The following SGCD variants were observed in gnomAD, a reference collection of about 807,000 sequenced individuals.
The protein encoded by SGCD is delta-sarcoglycan.
SGCD carries 18 observed loss-of-function variants against 36.6 expected under a neutral mutation model. The ratio of observed to expected loss-of-function variants is 0.49; its 90% CI spans 0.34 to 0.73. SGCD has a LOEUF of 0.73. Among genes scored for constraint, SGCD ranks in the 30% least tolerant of loss-of-function variants. The pLI, the probability that SGCD is intolerant of heterozygous loss-of-function variation, is 0.01. For synonymous variants in SGCD, 133 were observed against 130.6 expected, an observed-to-expected ratio of 1.02 and a Z score of -0.12; for missense variants, 387 against 346.7, an observed-to-expected ratio of 1.12 and a Z score of -0.92.
At chr5:156,232,015 G>A (rs1765032254) in intron 3 of SGCD, among the ~76,000 whole-genome samples, 1 of 152,116 alleles carries the variant, frequency 6.6e-6, no homozygotes, top group South Asian at 2.1e-4. Flanking sequence ...TAGAACATTA[G>A]ATGGAAGGAC....
chr5:156,657,747 G>A (rs542519318), intron 7 of SGCD, among the ~76,000 whole-genome samples: 21 of 151,612 alleles, frequency 1.4e-4, no homozygotes, highest in East Asian at 9.8e-4. Context: ...GGTGTTTCTC[G>A]TAAGGTGGGA....
chr5:156,171,941 G>A (rs1235106168), intron 3 of SGCD, among the ~76,000 whole-genome samples: 2 of 152,100 alleles, frequency 1.3e-5, no homozygotes, highest in South Asian at 2.1e-4. Context: ...AATTTGATCT[G>A]TACTGTACTG....
intron 1 of SGCD, among the ~76,000 whole-genome samples, chr5:156,078,051 C>T (rs957901446): frequency 1.3e-5 from 2 of 152,042 alleles, no homozygotes; most frequent in Non-Finnish European, 2.9e-5. Flanking sequence ...CAAAAAGAAT[C>T]CCTTCTTTTT....
chr5:155,932,897 A>G (rs904324965), intron 1 of SGCD, among the ~76,000 whole-genome samples: 1 of 152,038 alleles, frequency 6.6e-6, no homozygotes, highest in Non-Finnish European at 1.5e-5. Flanking sequence ...TTAGTATTCC[A>G]TTTTTGCCTT....
intron 3 of SGCD, among the ~76,000 whole-genome samples, chr5:156,251,864 T>G (rs1423318926): frequency 6.6e-6 from 1 of 152,020 alleles, no homozygotes; most frequent in East Asian, 1.9e-4. Flanking sequence ...ACATTAAGAT[T>G]TACCTTACTC....
chr5:155,822,738 G>A, the SGCD span, among the ~76,000 whole-genome samples: 3 of 152,198 alleles, frequency 2.0e-5, no homozygotes, highest in Non-Finnish European at 4.4e-5. Context: ...ATAAGGAAAA[G>A]CATCGAGCCC....
At chr5:156,071,223 A>AG (rs1156582936) in intron 1 of SGCD, among the ~76,000 whole-genome samples, 1 of 152,106 alleles carries the variant, frequency 6.6e-6, no homozygotes, top group Non-Finnish European at 1.5e-5. Context: ...TTGTGATGTT[A>AG]GGGTGTCAAT....
intron 4 of SGCD, among the ~76,000 whole-genome samples, chr5:156,582,398 G>A (rs186052307): frequency 1.8e-4 from 28 of 152,184 alleles, no homozygotes; most frequent in African/African-American, 6.5e-4. Flanking sequence ...GTGCATAAAA[G>A]GGCAACCAAT....
chr5:155,855,978 T>C, the SGCD span, among the ~76,000 whole-genome samples: 1 of 152,220 alleles, frequency 6.6e-6, no homozygotes, highest in East Asian at 1.9e-4. Flanking sequence ...AAAGATCTTA[T>C]ATATATTTTC....
intron 7 of SGCD, among the ~76,000 whole-genome samples, chr5:156,719,466 A>C (rs1755384456): frequency 6.6e-6 from 1 of 152,166 alleles, no homozygotes; most frequent in African/African-American, 2.4e-5. Flanking sequence ...ACCGTGTCCT[A>C]GCCAAGTTTA....
chr5:156,456,269 C>T (rs1011617362), intron 3 of SGCD, among the ~76,000 whole-genome samples: 11 of 152,050 alleles, frequency 7.2e-5, no homozygotes, highest in Non-Finnish European at 1.3e-4. Flanking sequence ...ATGTTTAAGG[C>T]GATTCTGGTG....
intron 1 of SGCD, among the ~76,000 whole-genome samples, chr5:156,069,953 C>G (rs937810692): frequency 1.3e-5 from 2 of 151,846 alleles, no homozygotes; most frequent in Non-Finnish European, 2.9e-5. Context: ...GTGTATAAGA[C>G]TGCTTGTGAT....
At chr5:156,563,873 G>A (rs188464202) in intron 4 of SGCD, among the ~76,000 whole-genome samples, 1 of 152,086 alleles carries the variant, frequency 6.6e-6, no homozygotes, top group East Asian at 1.9e-4. Context: ...CCTTTTGGGG[G>A]GATCAGTTGG....
chr5:155,981,276 C>T (rs923575363), intron 1 of SGCD, among the ~76,000 whole-genome samples: 3 of 152,104 alleles, frequency 2.0e-5, no homozygotes, highest in East Asian at 3.8e-4. Context: ...ACAGAATCCC[C>T]GACTTGGGGC....
chr5:156,709,838 C>A (rs950441993), intron 7 of SGCD, among the ~76,000 whole-genome samples: 2 of 151,578 alleles, frequency 1.3e-5, no homozygotes, highest in Non-Finnish European at 2.9e-5. Context: ...CCCCCTCCCC[C>A]CCGACGCCGC....
chr5:156,101,554 A>G (rs1761516056), intron 1 of SGCD, among the ~76,000 whole-genome samples: 1 of 152,174 alleles, frequency 6.6e-6, no homozygotes, highest in African/African-American at 2.4e-5. Context: ...TGCCCCTTTG[A>G]TTTACTCATA....
At position 156,766,121 on chromosome 5, in the gene SGCD, T is replaced by G. The variant is rs1428670165; in HGVS notation, c.*6731T>G. 1 of 152,130 alleles carries G rather than the reference T, an allele frequency of 6.6e-6. No homozygotes were observed. The highest frequency in any genetic ancestry group is 1.5e-5 in the Non-Finnish European group (1 of 68,026). The allele number at this position is 152,130 out of a possible 1,614,324, so 9.4% of individuals were successfully genotyped here. ...TGTAATACTCAGTTATCTGTGTGTG[T>G]GGCTAAACAAGTCAGCATTTCTGCA... On this transcript the variant is annotated 3_prime_UTR_variant, in exon 9 of 9. Transcript: ENST00000337851.
At chr5:156,287,783 C>T (rs1362637334) in intron 3 of SGCD, among the ~76,000 whole-genome samples, 2 of 152,136 alleles carry the variant, frequency 1.3e-5, no homozygotes, top group African/African-American at 2.4e-5. Flanking sequence ...CCTGTAATCC[C>T]AGCCCTTTGT....
intron 3 of SGCD, among the ~76,000 whole-genome samples, chr5:156,393,588 C>T (rs1049235033): frequency 6.6e-6 from 1 of 152,188 alleles, no homozygotes; most frequent in Non-Finnish European, 1.5e-5. Flanking sequence ...CTCTTCTCTG[C>T]TCCATGTAGA....
Sources: allele counts gnomAD v4.1 joint callset (sites outside exome capture counted in the v4.1 genomes callset), GRCh38; gene constraint gnomAD v4.1.1; transcripts MANE v1.5; gene names NCBI Gene and HGNC (gene_info 2026-07-23, HGNC 2026-07-21).